The following SYNPO2 variants were observed in gnomAD, a reference collection of about 807,000 sequenced individuals.
SYNPO2 encodes the protein synaptopodin-2.
SYNPO2 carries 56 observed loss-of-function variants against 85.0 expected under a neutral mutation model. The observed-to-expected ratio is 0.66, with a 90% confidence interval of 0.53 to 0.82. The LOEUF (loss-of-function observed/expected upper bound fraction) is 0.82. Among genes scored for constraint, SYNPO2 ranks in the 40% least tolerant of loss-of-function variants. The pLI is 0.00. For synonymous variants in SYNPO2, 602 were observed against 591.1 expected, an observed-to-expected ratio of 1.02 and a Z score of -0.27; for missense variants, 1,575 against 1,534.2, an observed-to-expected ratio of 1.03 and a Z score of -0.44.
intron 1 of SYNPO2, among the ~76,000 whole-genome samples, chr4:118,931,004 A>G (rs1322004420): frequency 6.6e-6 from 1 of 152,086 alleles, no homozygotes; most frequent in Non-Finnish European, 1.5e-5. Context: ...GATGACTCAG[A>G]TTAAGATTTA....
chr4:118,881,508 G>A (rs756148400), intron 1 of SYNPO2, among the ~76,000 whole-genome samples: 6 of 152,162 alleles, frequency 3.9e-5, no homozygotes, highest in Non-Finnish European at 5.9e-5. Context: ...CCAATCCGTG[G>A]CGTTTGTTAT....
In SYNPO2 at chr4:119,031,384, G is replaced by T. The variant is rs1738250313; in HGVS notation, c.2609G>T (p.Gly870Val). 6.2e-7 allele frequency: 1 copy of T among 1,614,114 alleles called. No individual in the cohort carries two copies. Among genetic ancestry groups the T allele is most frequent in the Non-Finnish European group, 8.5e-7 (1 of 1,180,028 alleles). ...TCCAATGAGCTTCCAGGAATGAGTG[G>T]GAGAGGAGCTCAGCTCTTTGCTAAA... ...GPSNELPGMSGRGAQLFAKRQ... is the reference protein window; with the variant it reads ...GPSNELPGMSVRGAQLFAKRQ... The change falls in exon 4 of 5, where the codon GGG becomes GTG. Residue 870 changes from glycine to valine, a missense_variant. This residue lies in a region of SYNPO2 where 1,508 missense variants were observed against 1,446.8 expected (regional missense o/e 1.04). Coordinates refer to ENST00000307142, the MANE Select transcript of SYNPO2 (RefSeq NM_133477.3).
chr4:118,957,901 G>A (rs1734935345), intron 1 of SYNPO2, among the ~76,000 whole-genome samples: 1 of 152,172 alleles, frequency 6.6e-6, no homozygotes, highest in Admixed American at 6.5e-5. Context: ...GGAACCCATG[G>A]CTGCTCACTC....
At chr4:118,886,214 GT>G (rs1732196379), upstream of SYNPO2, among the ~76,000 whole-genome samples, 3 of 151,624 alleles carry the variant, frequency 2.0e-5, no homozygotes, top group African/African-American at 4.8e-5. Context: ...ATATGAAAGT[GT>G]TTTTTTTCTT....
chr4:119,030,806 A>G lies in SYNPO2; in HGVS notation c.2031A>G (p.Pro677=), dbSNP rs546795580. The change falls in exon 4 of 5, where the codon CCA becomes CCG. Residue 677 remains proline, a synonymous_variant. Transcript: ENST00000307142. ...IASRDERISV[P]AKRTGILQEA... is the part of the protein sequence containing the mutation. ...CCCGAGATGAGAGGATCTCAGTGCC[A>G]GCAAAAAGAACAGGAATATTGCAGG... The G allele has an allele frequency of 6.2e-7, 1 of 1,614,138 alleles. No homozygotes were observed. Among genetic ancestry groups the G allele is most frequent in the South Asian group, 1.1e-5 (1 of 91,074 alleles).
Position 119,031,844 on chromosome 4 carries a change from A to G in SYNPO2, c.3069A>G (p.Ser1023=), listed in dbSNP as rs1738285106. 6.2e-7 allele frequency: 1 copy of G among 1,614,194 alleles called. No individual in the cohort carries two copies. Among genetic ancestry groups the G allele is most frequent in the Non-Finnish European group, 8.5e-7 (1 of 1,180,040 alleles). ...CACCTACGAATGTGCAGGCTTCGTC[A>G]GTGTACTCGGTACCAGCCTATACCT... ...AASPTNVQAS[S]VYSVPAYTSP... is the part of the protein sequence containing the mutation. The change falls in exon 4 of 5, where the codon TCA becomes TCG. Residue 1023 remains serine (S), a synonymous_variant. Transcript: ENST00000307142.
intron 1 of SYNPO2, among the ~76,000 whole-genome samples, chr4:118,975,424 GACAA>G (rs1735686742): frequency 6.6e-6 from 1 of 152,170 alleles, no homozygotes; most frequent in South Asian, 2.1e-4. Flanking sequence ...GCATATGAAT[GACAA>G]ACAGAGATGA....
intron 1 of SYNPO2, among the ~76,000 whole-genome samples, chr4:118,973,052 A>G (rs1271819440): frequency 6.6e-6 from 1 of 152,044 alleles, no homozygotes; most frequent in Non-Finnish European, 1.5e-5. Flanking sequence ...TTTTTGACTT[A>G]TGGTATTTTT....
intron 4 of SYNPO2, chr4:119,032,590 T>C: frequency 1.0e-6 from 1 of 994,438 alleles, no homozygotes. Context: ...GAGAAGATAC[T>C]CGGAGGATTG....
intron 1 of SYNPO2, among the ~76,000 whole-genome samples, chr4:118,855,241 A>G (rs556559102): frequency 4.6e-5 from 7 of 152,246 alleles, no homozygotes; most frequent in African/African-American, 1.7e-4. Context: ...CTTTTGATAA[A>G]TCTTCTATTT....
At chr4:118,951,917 C>T (rs1460585453) in intron 1 of SYNPO2, among the ~76,000 whole-genome samples, 1 of 152,182 alleles carries the variant, frequency 6.6e-6, no homozygotes, top group Non-Finnish European at 1.5e-5. Flanking sequence ...AATTAAACTT[C>T]TCCTTCCAGT....
intron 1 of SYNPO2, among the ~76,000 whole-genome samples, chr4:118,874,073 A>G (rs1008337810): frequency 6.6e-6 from 1 of 152,204 alleles, no homozygotes; most frequent in African/African-American, 2.4e-5. Flanking sequence ...CTATTGATCT[A>G]TGTGTCTGCT....
At chr4:118,882,492 G>A (rs567902808) in intron 1 of SYNPO2, among the ~76,000 whole-genome samples, 17 of 152,196 alleles carry the variant, frequency 1.1e-4, no homozygotes, top group Admixed American at 3.3e-4. Context: ...AGTCAACATT[G>A]TCATTTCATT....
At chr4:118,875,350 T>C (rs377161663) in intron 1 of SYNPO2, among the ~76,000 whole-genome samples, 1 of 152,112 alleles carries the variant, frequency 6.6e-6, no homozygotes, top group African/African-American at 2.4e-5. Flanking sequence ...CTCTCTGATA[T>C]TTTATATGAC....
intron 1 of SYNPO2, among the ~76,000 whole-genome samples, chr4:118,868,235 T>A (rs1164882672): frequency 6.6e-6 from 1 of 152,116 alleles, no homozygotes; most frequent in African/African-American, 2.4e-5. Context: ...TTTTTCAAAC[T>A]GATTTTCTAA....
chr4:119,007,485 C>T (rs1240238068), intron 1 of SYNPO2, among the ~76,000 whole-genome samples: 1 of 150,566 alleles, frequency 6.6e-6, no homozygotes, highest in Non-Finnish European at 1.5e-5. Flanking sequence ...ACATAAAGTA[C>T]TTACTTAGAT....
intron 1 of SYNPO2, among the ~76,000 whole-genome samples, chr4:118,897,492 T>C (rs993735754): frequency 6.6e-6 from 1 of 152,246 alleles, no homozygotes; most frequent in Non-Finnish European, 1.5e-5. Flanking sequence ...CATGTTATTT[T>C]TATCCTAGGA....
intron 1 of SYNPO2, among the ~76,000 whole-genome samples, chr4:118,879,688 G>A (rs944417682): frequency 6.6e-6 from 1 of 152,132 alleles, no homozygotes; most frequent in Non-Finnish European, 1.5e-5. Flanking sequence ...TAAAACACGA[G>A]GGGCTGCAAA....
intron 1 of SYNPO2, among the ~76,000 whole-genome samples, chr4:118,982,074 A>G (rs1371797710): frequency 6.6e-6 from 1 of 152,250 alleles, no homozygotes; most frequent in Non-Finnish European, 1.5e-5. Context: ...TTCAGGGAAT[A>G]AAACCACAAA....
Sources: allele counts gnomAD v4.1 joint callset (sites outside exome capture counted in the v4.1 genomes callset), GRCh38; gene constraint gnomAD v4.1.1; regional missense constraint gnomAD v4.1.1; transcripts MANE v1.5; gene names NCBI Gene and HGNC (gene_info 2026-07-23, HGNC 2026-07-21).